IFI27L1: variants seen among roughly 807,000 people sequenced by gnomAD.
IFI27L1 encodes interferon alpha inducible protein 27 like 1.
A neutral mutation model predicts 9.2 loss-of-function variants in IFI27L1; 3 were observed. The observed-to-expected ratio is 0.32, with a 90% CI of 0.15 to 0.84. IFI27L1 has a LOEUF of 0.84. IFI27L1 is among the 40% of genes least tolerant of loss of function. The pLI is 0.56. For missense variants in IFI27L1, 133 were observed against 134.2 expected, an observed-to-expected ratio of 0.99 and a Z score of 0.05; for synonymous variants, 53 against 50.0, an observed-to-expected ratio of 1.06 and a Z score of -0.26.
chr14:94,097,960 G>A (rs1452216971), intron 2 of IFI27L1, among the ~76,000 whole-genome samples: 2 of 152,238 alleles, frequency 1.3e-5, no homozygotes, highest in African/African-American at 4.8e-5. Context: ...GGGACTGGGT[G>A]AAGTGCCCCC....
intron 1 of IFI27L1, among the ~76,000 whole-genome samples, chr14:94,087,715 C>T (rs56149519): frequency 0.14 from 20,983 of 151,652 alleles, 1,893 homozygotes; most frequent in East Asian, 0.5. Flanking sequence ...CATGAGCCAC[C>T]GTGCCCAGCC....
chr14:94,086,395 A>C (rs1886281400), intron 1 of IFI27L1, among the ~76,000 whole-genome samples: 2 of 152,226 alleles, frequency 1.3e-5, no homozygotes, highest in African/African-American at 4.8e-5. Context: ...TTATAGCAAT[A>C]CAAGAATTGC....
At chr14:94,097,057 C>A (rs1886700419) in intron 2 of IFI27L1, 92 bp downstream of exon 2, 3 of 987,964 alleles carry the variant, frequency 3.0e-6, no homozygotes, top group Non-Finnish European at 3.0e-6. Context: ...TATGTCAACC[C>A]CAAATAACAG....
intron 1 of IFI27L1, chr14:94,088,150 C>T: frequency 1.5e-6 from 1 of 661,972 alleles, no homozygotes; most frequent in Non-Finnish European, 2.7e-6. Flanking sequence ...GCCAAGCTGA[C>T]TCCCCTGTGC....
At chr14:94,088,159 G>C (rs1029074120) in intron 1 of IFI27L1, 2 of 679,738 alleles carry the variant, frequency 2.9e-6, no homozygotes, top group Non-Finnish European at 5.4e-6. Flanking sequence ...ACTCCCCTGT[G>C]CAAGGATGTG....
At chr14:94,097,767 G>T in intron 2 of IFI27L1, 1 of 694,052 alleles carries the variant, frequency 1.4e-6, no homozygotes, top group South Asian at 1.5e-5. Context: ...CTGAGCTACT[G>T]AGAGAACGGG....
At chr14:94,099,282 G>A (rs571091611) in intron 2 of IFI27L1, among the ~76,000 whole-genome samples, 1 of 152,320 alleles carries the variant, frequency 6.6e-6, no homozygotes, top group South Asian at 2.1e-4. Context: ...TGTGGGGGCA[G>A]GGGTGGTGAG....
chr14:94,086,207 T>C (rs1031847360), intron 1 of IFI27L1, among the ~76,000 whole-genome samples: 2 of 152,178 alleles, frequency 1.3e-5, no homozygotes, highest in Non-Finnish European at 2.9e-5. Flanking sequence ...TCTCTCTGAC[T>C]CTTGTTTTCA....
intron 1 of IFI27L1, among the ~76,000 whole-genome samples, chr14:94,090,354 T>C (rs994146186): frequency 2.0e-5 from 3 of 152,254 alleles, no homozygotes; most frequent in Non-Finnish European, 4.4e-5. Context: ...TTTTTCTCTC[T>C]CCAGTCCTCA....
In IFI27L1 at chr14:94,102,549, G is replaced by T. The variant is rs778729297; in HGVS notation, c.296G>T (p.Gly99Val). 1.3e-6 allele frequency: 2 copies of T among 1,573,866 alleles called. No homozygotes were observed. The highest frequency in any genetic ancestry group is 1.7e-6 in the Non-Finnish European group (2 of 1,159,618). ...GGGACAGCTCTTGGGGCCTGGCTGG[G>T]TTCACCCCCTTCCAGCTGAACACCA... ...FAGTALGAWL[G>V]SPPSS The change falls in exon 5 of 5, where the codon GGT becomes GTT. Residue 99 changes from glycine to valine, a missense_variant. Gly to Val is a moderately radical substitution (Grantham distance 109). Coordinates refer to ENST00000555523, the MANE Select transcript of IFI27L1 (RefSeq NM_206949.3).
At chr14:94,085,427 A>G (rs1185493846) in intron 1 of IFI27L1, among the ~76,000 whole-genome samples, 2 of 152,236 alleles carry the variant, frequency 1.3e-5, no homozygotes, top group African/African-American at 4.8e-5. Flanking sequence ...TGCCTGGCAC[A>G]TGGTGAGCTC....
intron 1 of IFI27L1, among the ~76,000 whole-genome samples, chr14:94,096,049 G>A (rs1886653002): frequency 1.3e-5 from 2 of 152,138 alleles, no homozygotes; most frequent in South Asian, 4.2e-4. Flanking sequence ...AAGATGATGA[G>A]GTCCTGAAAA....
At chr14:94,102,290 G>A (rs1333980600) in intron 4 of IFI27L1, among the ~76,000 whole-genome samples, 187 bp from the exon 5 acceptor site, 1 of 142,710 alleles carries the variant, frequency 7.0e-6, no homozygotes, top group African/African-American at 2.5e-5. Flanking sequence ...CCTCCTCTTC[G>A]GGCAGTGGCC....
chr14:94,093,805 A>G (rs1886572051), intron 1 of IFI27L1, among the ~76,000 whole-genome samples: 1 of 152,176 alleles, frequency 6.6e-6, no homozygotes, highest in Non-Finnish European at 1.5e-5. Context: ...AACAAATTTC[A>G]TGAAATAAGG....
chr14:94,095,036 C>T (rs1379082603), intron 1 of IFI27L1: 1 of 152,158 alleles, frequency 6.6e-6, no homozygotes, highest in Non-Finnish European at 1.5e-5. Flanking sequence ...CACAAAGGCA[C>T]ACTTAAAAAA....
chr14:94,086,265 C>T (rs189710483), intron 1 of IFI27L1, among the ~76,000 whole-genome samples: 10 of 152,296 alleles, frequency 6.6e-5, no homozygotes, highest in Admixed American at 6.5e-4. Flanking sequence ...TGATCGTAAG[C>T]TTCCTGAGGC....
intron 4 of IFI27L1, 59 bp downstream of exon 4, chr14:94,102,034 C>A (rs751643663): frequency 6.3e-7 from 1 of 1,579,706 alleles, no homozygotes; most frequent in Non-Finnish European, 8.7e-7. Context: ...GAGGCTGAAC[C>A]AGGGAGGCCT....
At chr14:94,082,801 A>G (rs939532329) in intron 1 of IFI27L1, among the ~76,000 whole-genome samples, 1 of 152,352 alleles carries the variant, frequency 6.6e-6, no homozygotes, top group Middle Eastern at 3.4e-3. Flanking sequence ...TTGCTCATTG[A>G]AAATGTGCAT....
chr14:94,083,840 A>C (rs896593346), intron 1 of IFI27L1, among the ~76,000 whole-genome samples: 6 of 152,234 alleles, frequency 3.9e-5, no homozygotes, highest in African/African-American at 1.4e-4. Flanking sequence ...CTGTAGTCCC[A>C]GCTATCCAGG....
Sources: allele counts gnomAD v4.1 joint callset (sites outside exome capture counted in the v4.1 genomes callset), GRCh38; gene constraint gnomAD v4.1.1; transcripts MANE v1.5; gene names NCBI Gene and HGNC (gene_info 2026-07-23, HGNC 2026-07-21).